The following LRRC37A3 variants were observed in gnomAD, a reference collection of about 807,000 sequenced individuals.
LRRC37A3 encodes leucine rich repeat containing 37 member A3.
Under a neutral mutation model 106.2 loss-of-function variants are expected in LRRC37A3, and 25 were observed. That is an observed-to-expected ratio of 0.24 (90% CI 0.17 to 0.33). The LOEUF (loss-of-function observed/expected upper bound fraction) is 0.33, where lower values mean the gene tolerates loss of function less well. Among genes scored for constraint, LRRC37A3 ranks in the 10% least tolerant of loss-of-function variants. The probability of loss-of-function intolerance (pLI) is 1.00; values close to 1 mark genes in which losing one functional copy is unlikely to be tolerated. For synonymous variants in LRRC37A3, 305 were observed against 635.8 expected (o/e 0.48, Z 7.83); for missense variants, 712 against 1,644.9 (o/e 0.43, Z 9.81).
chr17:64,864,480 C>T (rs909092871), intron 10 of LRRC37A3, among the ~76,000 whole-genome samples: 26 of 152,076 alleles, frequency 1.7e-4, no homozygotes, highest in African/African-American at 3.6e-4. Context: ...TTTTTCAATA[C>T]GTAAATTTGG....
intron 8 of LRRC37A3, among the ~76,000 whole-genome samples, chr17:64,872,210 CAAAAAAAAAAAAA>C (rs60703427): frequency 3.2e-5 from 2 of 61,864 alleles, no homozygotes; most frequent in African/African-American, 1.1e-4. Context: ...AAAAAATAGC[CAAAAAAAAAAAAA>C]AAAAAAAATT....
chr17:64,861,414 T>A (rs982696928), intron 11 of LRRC37A3, among the ~76,000 whole-genome samples: 1 of 152,162 alleles, frequency 6.6e-6, no homozygotes, highest in Admixed American at 6.5e-5. Flanking sequence ...CTTGCTACCA[T>A]CACAGCTGAA....
At chr17:64,865,464 T>C (rs1973033515) in intron 10 of LRRC37A3, among the ~76,000 whole-genome samples, 1 of 152,240 alleles carries the variant, frequency 6.6e-6, no homozygotes, top group Non-Finnish European at 1.5e-5. Context: ...TGCCCCCAAC[T>C]TTTTATTTTA....
In LRRC37A3 at chr17:64,869,532, A is replaced by ATT. The variant is rs1157660467; in HGVS notation, c.2907-368_2907-367dup. 2.1e-3 allele frequency among the ~76,000 whole-genome samples: 265 copies of ATT among 125,090 alleles called. 3 individuals are homozygous for ATT. Among genetic ancestry groups the ATT allele is most frequent in the African/African-American group, 7.4e-3 (227 of 30,734 alleles). The allele number at this position is 125,090 out of a possible 152,430, so 82.1% of individuals were successfully genotyped here. On this transcript the variant is annotated intron_variant, in intron 8 of 14. Coordinates refer to ENST00000584306, the MANE Select transcript of LRRC37A3 (RefSeq NM_199340.5). ...CCTCCATAATTCAAGTTGTTCATCTATTTTTTTTTTTTTTTTTTTTGAGAT... is the reference window on the plus strand; with the variant it reads ...CCTCCATAATTCAAGTTGTTCATCTATTTTTTTTTTTTTTTTTTTTTTGAGAT...
At chr17:64,917,631 T>C (rs1202863286) in intron 2 of LRRC37A3, among the ~76,000 whole-genome samples, 2 of 151,984 alleles carry the variant, frequency 1.3e-5, no homozygotes, top group Non-Finnish European at 2.9e-5. Context: ...AAATACATTA[T>C]GCACTGTACA....
intron 2 of LRRC37A3, among the ~76,000 whole-genome samples, chr17:64,910,807 A>G (rs1328110918): frequency 6.7e-6 from 1 of 149,232 alleles, no homozygotes; most frequent in African/African-American, 2.5e-5. Flanking sequence ...ACACCCGGCT[A>G]ATTTTTATAT....
intron 8 of LRRC37A3, among the ~76,000 whole-genome samples, chr17:64,875,934 G>T (rs530103624): frequency 1.3e-5 from 2 of 152,286 alleles, no homozygotes; most frequent in East Asian, 3.9e-4. Flanking sequence ...GAGAAGCAAA[G>T]TTTTTGTATA....
intron 8 of LRRC37A3, among the ~76,000 whole-genome samples, chr17:64,881,408 T>C (rs1973698695): frequency 7.2e-6 from 1 of 138,646 alleles, no homozygotes; most frequent in Non-Finnish European, 1.5e-5. Context: ...TCCCCATGCC[T>C]GGTTAATTTT....
At chr17:64,910,164 T>C (rs1974556627) in intron 2 of LRRC37A3, 1 of 152,374 alleles carries the variant, frequency 6.6e-6, no homozygotes, top group African/African-American at 2.4e-5. Flanking sequence ...GTATTTTTAA[T>C]AAAAACTTTG....
In LRRC37A3 at chr17:64,918,991, C is replaced by G. The variant is rs569826671; in HGVS notation, c.-616-121G>C. ...CCAGGTGGCTGCCCCCGCCTCCCCC[C>G]GGCCGGGGCGCTGGTGCTGGGGTGG... On this transcript the variant is annotated intron_variant, in intron 1 of 14. Transcript: ENST00000584306. 3.1e-3 allele frequency: 3,819 copies of G among 1,217,196 alleles called. 91 individuals are homozygous for G. The African/African-American group carries it at 0.053, about 17-fold the overall frequency. The allele number at this position is 1,217,196 out of a possible 1,614,324, so 75.4% of individuals were successfully genotyped here.
chr17:64,890,411 A>G lies in LRRC37A3; in HGVS notation c.2682-659T>C, dbSNP rs1303512094. 2.8e-5 allele frequency among the ~76,000 whole-genome samples: 3 copies of G among 107,768 alleles called. No homozygotes were observed. In the East Asian group the frequency reaches 7.7e-4, roughly 28 times the overall value. The allele number at this position is 107,768 out of a possible 152,430, so 70.7% of individuals were successfully genotyped here. A position where few individuals can be genotyped will look rare whatever the true frequency, so the allele number is the denominator to read the frequency against. On this transcript the variant is annotated intron_variant, in intron 5 of 14. Transcript: ENST00000584306. ...AATTATGAAGCAGATACCCATGTAA[A>G]CATCGTTACAAAAGATCATTGCTAG...
In LRRC37A3 at chr17:64,862,947, A is replaced by C. The variant is rs1242263847; in HGVS notation, c.3125T>G (p.Val1042Gly). 2 of 1,598,996 alleles carry C rather than the reference A, an allele frequency of 1.3e-6. No individual in the cohort carries two copies. Among genetic ancestry groups the C allele is most frequent in the Non-Finnish European group, 1.7e-6 (2 of 1,179,786 alleles). ...KNSIEAVCKT[V>G]KLHCNSACLT... ...ACATGCACTGTTGCAATGCAGCTTG[A>C]CTGTCTTGCAGACAGCCTCAATGCT... Residue 1042 changes from valine (V) to glycine (G), a missense_variant, in exon 11 of 15, where the codon GTC becomes GGC. Physicochemically the swap from Val to Gly is moderately radical, Grantham distance 109. Coordinates refer to ENST00000584306, the MANE Select transcript of LRRC37A3 (RefSeq NM_199340.5).
intron 11 of LRRC37A3, among the ~76,000 whole-genome samples, 181 bp from the exon 12 acceptor site, chr17:64,861,154 A>G (rs1387611620): frequency 1.3e-5 from 2 of 152,178 alleles, no homozygotes; most frequent in Non-Finnish European, 2.9e-5. Context: ...AGGAGAAAAT[A>G]CATCTTTTGA....
intron 2 of LRRC37A3, among the ~76,000 whole-genome samples, chr17:64,914,076 T>C (rs2143633317): frequency 6.7e-6 from 1 of 150,140 alleles, no homozygotes; most frequent in Non-Finnish European, 1.5e-5. Context: ...TCCCTAACCA[T>C]AATGGAATTA....
chr17:64,917,060 A>G (rs1224058862), intron 2 of LRRC37A3, among the ~76,000 whole-genome samples: 1 of 151,684 alleles, frequency 6.6e-6, no homozygotes, highest in Non-Finnish European at 1.5e-5. Context: ...CCTCGCTAAC[A>G]TGGTGAAACC....
chr17:64,867,492 A>G (rs1006961452), intron 10 of LRRC37A3, among the ~76,000 whole-genome samples: 13 of 152,128 alleles, frequency 8.5e-5, no homozygotes, highest in Non-Finnish European at 1.9e-4. Context: ...ATAGATACCA[A>G]AGTCCACAGA....
At chr17:64,875,560 T>A (rs1973483111) in intron 8 of LRRC37A3, among the ~76,000 whole-genome samples, 1 of 152,074 alleles carries the variant, frequency 6.6e-6, no homozygotes, top group African/African-American at 2.4e-5. Flanking sequence ...AGGCTGAGGC[T>A]GGAGGATCAC....
rs549486855 is a variant in LRRC37A3, at chr17:64,912,368, C to T, written c.-496+6382G>A. Reference sequence around the variant, plus strand: ...ACACACATACACACACACATATATACAATTATAAGGGGGGGCTAGAATAAA... The same window carrying T: ...ACACACATACACACACACATATATATAATTATAAGGGGGGGCTAGAATAAA... On this transcript the variant is annotated intron_variant, in intron 2 of 14. Coordinates refer to ENST00000584306, the MANE Select transcript of LRRC37A3 (RefSeq NM_199340.5). 9.9e-5 allele frequency among the ~76,000 whole-genome samples: 15 copies of T among 151,414 alleles called. 1 individual carries two copies. The East Asian group carries it at 2.9e-3, about 30-fold the overall frequency.
chr17:64,859,995 T>A lies in LRRC37A3; in HGVS notation c.4151A>T (p.Glu1384Val). Residue 1384 changes from glutamate to valine, a missense_variant, in exon 12 of 15, where the codon GAA (glutamate) becomes GTA (valine). Glu to Val is a moderately radical substitution (Grantham distance 121). Coordinates refer to ENST00000584306, the MANE Select transcript of LRRC37A3 (RefSeq NM_199340.5). The part of the protein sequence containing the change: ...EVSAPSEHFI[E>V]NNNTKDTTAR... Reference sequence around the variant, plus strand: ...AGTTGTGTCTTTTGTATTATTGTTTTCTATAAAATGTTCTGAAGGAGCAGA... The same window carrying A: ...AGTTGTGTCTTTTGTATTATTGTTTACTATAAAATGTTCTGAAGGAGCAGA... The A allele has an allele frequency of 6.2e-7, 1 of 1,613,732 alleles. No homozygotes were observed. The highest frequency in any genetic ancestry group is 8.5e-7 in the Non-Finnish European group (1 of 1,179,872).
Sources: gnomAD v4.1 joint callset for allele counts (sites outside exome capture counted in the v4.1 genomes callset) on GRCh38, gnomAD v4.1.1 for gene constraint, MANE v1.5 for transcripts, NCBI Gene and HGNC (gene_info 2026-07-23, HGNC 2026-07-21) for gene names.